KIT: variants seen among roughly 807,000 people sequenced by gnomAD.
KIT encodes the protein KIT proto-oncogene, receptor tyrosine kinase, also known as mast/stem cell growth factor receptor Kit.
A neutral mutation model predicts 105.7 loss-of-function variants in KIT; 16 were observed. The ratio of observed to expected loss-of-function variants is 0.15; its 90% CI spans 0.10 to 0.23. The LOEUF is 0.23. Among genes scored for constraint, KIT ranks in the 10% least tolerant of loss-of-function variants. KIT has a pLI of 1.00. For synonymous variants in KIT, 438 were observed against 441.1 expected, an observed-to-expected ratio of 0.99 and a Z score of 0.09; for missense variants, 858 against 1,213.8, an observed-to-expected ratio of 0.71 and a Z score of 4.36.
chr4:54,696,571 G>A (rs1045767042), intron 2 of KIT, among the ~76,000 whole-genome samples: 1 of 152,212 alleles, frequency 6.6e-6, no homozygotes, highest in Admixed American at 6.5e-5. Context: ...CTTATCCATG[G>A]TATTGTGAAT....
intron 11 of KIT, 110 bp downstream of exon 11, chr4:54,727,652 T>C (rs1294503799): frequency 1.7e-5 from 25 of 1,455,588 alleles, no homozygotes; most frequent in Non-Finnish European, 2.3e-5. Flanking sequence ...ACAATGAGTT[T>C]TCTGTGAAAT....
chr4:54,703,579 C>T (rs1356465888), intron 4 of KIT, 145 bp from the exon 5 acceptor site: 1 of 678,026 alleles, frequency 1.5e-6, no homozygotes, highest in Admixed American at 2.4e-5. Flanking sequence ...TGTCATGATG[C>T]TTTATTATTC....
intron 8 of KIT, among the ~76,000 whole-genome samples, chr4:54,724,124 A>G (rs1722071088): frequency 6.6e-6 from 1 of 152,224 alleles, no homozygotes; most frequent in South Asian, 2.1e-4. Context: ...CAACATACAT[A>G]TGGCATTTGC....
intron 11 of KIT, 59 bp downstream of exon 11, chr4:54,727,601 T>C: frequency 1.9e-6 from 3 of 1,603,322 alleles, no homozygotes; most frequent in Admixed American, 1.7e-5. Flanking sequence ...ACAGTGACTT[T>C]AAGGAACTCC....
At chr4:54,665,027 C>T (rs1717588787) in intron 1 of KIT, among the ~76,000 whole-genome samples, 1 of 152,050 alleles carries the variant, frequency 6.6e-6, no homozygotes, top group Admixed American at 6.5e-5. Flanking sequence ...ATTCTATACC[C>T]ATTGAAGAGC....
At chr4:54,666,106 G>A (rs1444596534) in intron 1 of KIT, among the ~76,000 whole-genome samples, 2 of 152,148 alleles carry the variant, frequency 1.3e-5, no homozygotes, top group East Asian at 3.9e-4. Flanking sequence ...TCCTTTGAAA[G>A]CAACTTAAAG....
rs1722185866 is a variant in KIT, at chr4:54,725,890, G to A, written c.1380G>A (p.Gln460=). The A allele has an allele frequency of 6.2e-7, 1 of 1,614,122 alleles. No individual in the cohort carries two copies. The part of the protein sequence containing the change: ...CSASVLPVDV[Q]TLNSSGPPFG... ...CTTCTGTACTGCCAGTGGATGTGCA[G>A]ACACTAAACTCATCTGGGCCACCGT... The change falls in exon 9 of 21, where the codon CAG becomes CAA. Residue 460 remains glutamine (Q), a synonymous_variant. Coordinates refer to ENST00000288135, the MANE Select transcript of KIT (RefSeq NM_000222.3).
At position 54,725,136 on chromosome 4, in the gene KIT, A is replaced by C. The variant is rs572979203; in HGVS notation, c.1347-721A>C. Among the ~76,000 whole-genome samples the C allele has an allele frequency of 1.9e-4, 29 of 151,952 alleles. 1 individual carries two copies. Among genetic ancestry groups the C allele is most frequent in the Admixed American group, 8.5e-4 (13 of 15,270 alleles). On this transcript the variant is annotated intron_variant, in intron 8 of 20. Coordinates refer to ENST00000288135, the MANE Select transcript of KIT (RefSeq NM_000222.3). ...GTTGTTGTTGTTGAGACCGAGTCTC[A>C]CTCTCTTGCCCAGGCTGGAGTGCAA...
intron 4 of KIT, among the ~76,000 whole-genome samples, chr4:54,701,723 G>C (rs1720462888): frequency 6.6e-6 from 1 of 152,116 alleles, no homozygotes; most frequent in Non-Finnish European, 1.5e-5. Flanking sequence ...GAAAGAACTA[G>C]AAGGAAGATA....
chr4:54,668,746 T>A (rs1050595985), intron 1 of KIT, among the ~76,000 whole-genome samples: 2 of 152,372 alleles, frequency 1.3e-5, no homozygotes, highest in African/African-American at 2.4e-5. Flanking sequence ...TCTACTTGGC[T>A]AGTGCACACT....
At chr4:54,665,684 G>A (rs900036538) in intron 1 of KIT, among the ~76,000 whole-genome samples, 1 of 152,148 alleles carries the variant, frequency 6.6e-6, no homozygotes, top group Non-Finnish European at 1.5e-5. Context: ...CAAGAGGAGG[G>A]GTGGCCTATT....
At chr4:54,738,285 G>A (rs956361598) in intron 20 of KIT, 144 bp from the exon 21 acceptor site, 16 of 927,934 alleles carry the variant, frequency 1.7e-5, no homozygotes, top group African/African-American at 1.3e-4. Flanking sequence ...GTATGACTTG[G>A]GTTTTGGCCA....
chr4:54,727,329 C>A lies in KIT; in HGVS notation c.1647+5C>A, dbSNP rs553336667. On this transcript the variant is annotated splice_donor_5th_base_variant and intron_variant, in intron 10 of 20. Transcript: ENST00000288135. ...CTGACCTACAAATATTTACAGGTAA[C>A]CATTTATTTGTTCTCTCTCCAGAGT... 3 of 1,612,658 alleles carry A rather than the reference C, an allele frequency of 1.9e-6. No individual in the cohort carries two copies. The highest frequency in any genetic ancestry group is 3.3e-5 in the Admixed American group (2 of 60,016).
At chr4:54,666,057 G>A (rs1216172047) in intron 1 of KIT, among the ~76,000 whole-genome samples, 1 of 152,160 alleles carries the variant, frequency 6.6e-6, no homozygotes, top group African/African-American at 2.4e-5. Context: ...ACTGGGTATA[G>A]AGGAGGACAT....
At chr4:54,719,770 C>T (rs1225498928) in intron 7 of KIT, among the ~76,000 whole-genome samples, 1 of 152,148 alleles carries the variant, frequency 6.6e-6, no homozygotes, top group Non-Finnish European at 1.5e-5. Context: ...TAATGCCAAA[C>T]ACGGTGCATT....
At chr4:54,682,826 A>G (rs1328167643) in intron 1 of KIT, among the ~76,000 whole-genome samples, 1 of 149,556 alleles carries the variant, frequency 6.7e-6, no homozygotes, top group African/African-American at 2.5e-5. Context: ...ATCTCGGCTC[A>G]CTGCAACCTC....
intron 1 of KIT, among the ~76,000 whole-genome samples, chr4:54,662,793 G>C (rs751935050): frequency 6.6e-6 from 1 of 152,004 alleles, no homozygotes; most frequent in Non-Finnish European, 1.5e-5. Context: ...GGCTGGTCTC[G>C]AACCCCTGAC....
At chr4:54,664,969 T>C (rs1190257357) in intron 1 of KIT, among the ~76,000 whole-genome samples, 1 of 151,962 alleles carries the variant, frequency 6.6e-6, no homozygotes, top group East Asian at 1.9e-4. Context: ...ATTTCAATAG[T>C]GTTAAGTACA....
chr4:54,731,507 A>C lies in KIT; in HGVS notation c.2233+88A>C, dbSNP rs146331833. ...TGTGGAATATAACATCATTCCCAGT[A>C]GCAATGATGCAGACCAGTTCTGCTT... is the stretch of plus-strand genomic sequence containing the variant. On this transcript the variant is annotated intron_variant, in intron 15 of 20. Coordinates refer to ENST00000288135, the MANE Select transcript of KIT (RefSeq NM_000222.3). 388 of 945,232 alleles carry C rather than the reference A, an allele frequency of 4.1e-4. 5 individuals carry two copies. In the East Asian group the frequency reaches 9.2e-3, roughly 22 times the overall value. 58.6% of individuals were successfully genotyped at this position (945,232 alleles called of 1,614,324 possible).
Sources: allele counts gnomAD v4.1 joint callset (sites outside exome capture counted in the v4.1 genomes callset), GRCh38; gene constraint gnomAD v4.1.1; transcripts MANE v1.5; gene names NCBI Gene and HGNC (gene_info 2026-07-23, HGNC 2026-07-21).